NCAPD3: variants seen among roughly 807,000 people sequenced by gnomAD.
NCAPD3 encodes the protein condensin-2 complex subunit D3.
NCAPD3 carries 105 observed loss-of-function variants against 182.9 expected under a neutral mutation model. The ratio of observed to expected loss-of-function variants is 0.57; its 90% confidence interval spans 0.49 to 0.68. The LOEUF is 0.68. Among genes scored for constraint, NCAPD3 ranks in the 30% least tolerant of loss-of-function variants. NCAPD3 has a pLI of 0.00. For synonymous variants in NCAPD3, 815 were observed against 679.9 expected, an observed-to-expected ratio of 1.20 and a Z score of -3.09; for missense variants, 1,944 against 1,837.0, an observed-to-expected ratio of 1.06 and a Z score of -1.07.
At chr11:134,213,075 C>A (rs1591863062) in intron 3 of NCAPD3, among the ~76,000 whole-genome samples, 1 of 152,172 alleles carries the variant, frequency 6.6e-6, no homozygotes, top group Non-Finnish European at 1.5e-5. Flanking sequence ...TGCTTACAAT[C>A]CCAGCCCTTT....
In NCAPD3 at chr11:134,151,297, G is replaced by A. The variant is rs187712551; in HGVS notation, c.*1647C>T. 12 of 152,254 alleles carry A rather than the reference G, an allele frequency of 7.9e-5. No individual in the cohort carries two copies. The highest frequency in any genetic ancestry group is 1.6e-4 in the Non-Finnish European group (11 of 68,064). 9.4% of individuals were successfully genotyped at this position (152,254 alleles called of 1,614,324 possible). A position where few individuals can be genotyped will look rare whatever the true frequency, so the allele number is the denominator to read the frequency against. ...CAGGAAATGCTCCAGCAGTGGCTCA[G>A]TGCTCCCTGGTGTCTGCTGCATGGC... On this transcript the variant is annotated 3_prime_UTR_variant, in exon 35 of 35. Transcript: ENST00000534548.
intron 24 of NCAPD3, among the ~76,000 whole-genome samples, chr11:134,171,985 G>A (rs942512059): frequency 3.9e-5 from 6 of 152,108 alleles, no homozygotes; most frequent in African/African-American, 9.7e-5. Context: ...CTAGGGATGC[G>A]GAACAACAAA....
chr11:134,187,541 G>A (rs1281280655), intron 16 of NCAPD3, among the ~76,000 whole-genome samples: 1 of 152,146 alleles, frequency 6.6e-6, no homozygotes. Flanking sequence ...AGAGCCTTCT[G>A]GCCTCTGAGC....
chr11:134,154,482 C>CCA (rs1565513543), intron 32 of NCAPD3, among the ~76,000 whole-genome samples: 1 of 150,234 alleles, frequency 6.7e-6, no homozygotes, highest in African/African-American at 2.5e-5. Context: ...TCTGCACCCC[C>CCA]CCCCCCACCG....
intron 1 of NCAPD3, chr11:134,223,407 A>G (rs1420677701): frequency 1.4e-6 from 1 of 702,334 alleles, no homozygotes; most frequent in Non-Finnish European, 2.6e-6. Flanking sequence ...GGATGGTGCC[A>G]TTAGCAGGCT....
intron 3 of NCAPD3, among the ~76,000 whole-genome samples, chr11:134,212,451 T>C (rs1191848717): frequency 1.3e-5 from 2 of 151,034 alleles, no homozygotes; most frequent in Non-Finnish European, 2.9e-5. Flanking sequence ...TGAAGTACAG[T>C]GGCGTGGATC....
chr11:134,189,928 G>A (rs867423507), intron 16 of NCAPD3, among the ~76,000 whole-genome samples: 1 of 151,616 alleles, frequency 6.6e-6, no homozygotes, highest in Middle Eastern at 3.4e-3. Context: ...TTTTATTTTA[G>A]GTGTGGCTCT....
Position 134,209,325 on chromosome 11 carries a change from C to A in NCAPD3, c.720G>T (p.Gln240His), listed in dbSNP as rs1331306002. The part of the protein sequence containing the change: ...FSLKEKPQCV[Q>H]NCIEVFVSLT... ...AATTTTCACTTACCTCTATACAATT[C>A]TGTACACATTGTGGCTTTTCTTTCA... The change falls in exon 5 of 35, where the codon CAG (glutamine) becomes CAT (histidine). Residue 240 changes from glutamine (Q) to histidine (H), a missense_variant. Gln to His is a conservative substitution (Grantham distance 24). Transcript: ENST00000534548. 10 of 1,613,612 alleles carry A rather than the reference C, an allele frequency of 6.2e-6. No homozygotes were observed. Among genetic ancestry groups the A allele is most frequent in the Non-Finnish European group, 8.5e-6 (10 of 1,179,902 alleles).
intron 27 of NCAPD3, among the ~76,000 whole-genome samples, chr11:134,162,636 C>T (rs74720357): frequency 0.036 from 5,487 of 152,244 alleles, 342 homozygotes; most frequent in African/African-American, 0.12. Flanking sequence ...TATCAGAGTT[C>T]CTGAAACAGA....
intron 30 of NCAPD3, 120 bp downstream of exon 30, chr11:134,158,209 C>T (rs1035558461): frequency 1.1e-5 from 16 of 1,522,892 alleles, no homozygotes; most frequent in Admixed American, 5.3e-5. Context: ...CAGTGTGGAG[C>T]GGGGTGGCAG....
rs974257199 is a variant in NCAPD3, at chr11:134,204,314, G to A, written c.1090-143C>T. On this transcript the variant is annotated intron_variant, in intron 9 of 34. Transcript: ENST00000534548. The surrounding 1 kb of genome is among the most constrained non-coding windows in gnomAD (Gnocchi z 4.3). The stretch of plus-strand genomic sequence containing the variant: ...TACGTAAATGACTAATAAATTTTAG[G>A]TTTTAGAACACTTCAAAACTAATCT... 1 of 896,686 alleles carries A rather than the reference G, an allele frequency of 1.1e-6. No homozygotes were observed. Among genetic ancestry groups the A allele is most frequent in the Non-Finnish European group, 1.6e-6 (1 of 617,700 alleles). The allele number at this position is 896,686 out of a possible 1,614,324, so 55.5% of individuals were successfully genotyped here.
chr11:134,174,446 T>A (rs1287987454), intron 24 of NCAPD3, among the ~76,000 whole-genome samples: 1 of 145,240 alleles, frequency 6.9e-6, no homozygotes, highest in African/African-American at 2.6e-5. Flanking sequence ...CAGATAGGCG[T>A]AGCCTTTGGC....
intron 13 of NCAPD3, among the ~76,000 whole-genome samples, chr11:134,200,431 T>C (rs1944725161): frequency 6.6e-6 from 1 of 152,150 alleles, no homozygotes; most frequent in Admixed American, 6.5e-5. Flanking sequence ...GAATAGACAT[T>C]TCTCCAAAGA....
intron 3 of NCAPD3, among the ~76,000 whole-genome samples, chr11:134,216,149 CAT>C (rs1436866634): frequency 6.6e-6 from 1 of 152,166 alleles, no homozygotes; most frequent in African/African-American, 2.4e-5. Context: ...GGAACTTACT[CAT>C]TTCCAAAGTC....
At chr11:134,155,521 T>C (rs1373861186) in intron 32 of NCAPD3, among the ~76,000 whole-genome samples, 1 of 152,170 alleles carries the variant, frequency 6.6e-6, no homozygotes, top group Non-Finnish European at 1.5e-5. Context: ...ACCGGGCGCC[T>C]GATTTCCAGC....
chr11:134,205,629 G>A (rs1467294231), intron 8 of NCAPD3, among the ~76,000 whole-genome samples: 1 of 151,926 alleles, frequency 6.6e-6, no homozygotes, highest in Non-Finnish European at 1.5e-5. Flanking sequence ...CGCCCGCCTC[G>A]GCCTCCCAAA....
At chr11:134,208,839 CA>C in intron 7 of NCAPD3, 24 bp downstream of exon 7, 1 of 1,554,916 alleles carries the variant, frequency 6.4e-7, no homozygotes, top group Middle Eastern at 1.7e-4. Flanking sequence ...AACTAGTAAC[CA>C]AATTAGGTTC....
intron 3 of NCAPD3, among the ~76,000 whole-genome samples, chr11:134,216,571 A>C (rs1379929705): frequency 6.6e-6 from 1 of 152,238 alleles, no homozygotes; most frequent in Non-Finnish European, 1.5e-5. Context: ...CGGAGAGGTA[A>C]AAAGCAATGA....
intron 13 of NCAPD3, among the ~76,000 whole-genome samples, chr11:134,201,671 T>C (rs1201657404): frequency 1.3e-5 from 2 of 152,218 alleles, no homozygotes; most frequent in Non-Finnish European, 2.9e-5. Context: ...TCCCCGAACT[T>C]TCATAATTTT....
Sources: allele counts gnomAD v4.1 joint callset (sites outside exome capture counted in the v4.1 genomes callset), GRCh38; gene constraint gnomAD v4.1.1; non-coding constraint Gnocchi (gnomAD v3.1); transcripts MANE v1.5; gene names NCBI Gene and HGNC (gene_info 2026-07-23, HGNC 2026-07-21).